ANO6: variants seen among roughly 807,000 people sequenced by gnomAD.
ANO6 encodes the protein anoctamin 6.
A neutral mutation model predicts 117.5 loss-of-function variants in ANO6; 106 were observed. That is an observed-to-expected ratio of 0.90 (90% CI 0.77 to 1.06). The LOEUF (loss-of-function observed/expected upper bound fraction) is 1.06, where lower values mean the gene tolerates loss of function less well. ANO6 is among the 50% of genes least tolerant of loss of function. ANO6 has a pLI of 0.00. For synonymous variants in ANO6, 367 were observed against 385.1 expected, an observed-to-expected ratio of 0.95 and a Z score of 0.55; for missense variants, 955 against 1,121.1, an observed-to-expected ratio of 0.85 and a Z score of 2.12.
chr12:45,420,751 C>CT (rs1943337790), intron 17 of ANO6, among the ~76,000 whole-genome samples: 1 of 152,192 alleles, frequency 6.6e-6, no homozygotes, highest in African/African-American at 2.4e-5. Context: ...TGGCTCACGC[C>CT]TGTAATCCCA....
chr12:45,413,202 G>A (rs1163003473), intron 16 of ANO6, among the ~76,000 whole-genome samples: 1 of 152,206 alleles, frequency 6.6e-6, no homozygotes, highest in Non-Finnish European at 1.5e-5. Context: ...GAGATTCGTG[G>A]TGGGAGGGAG....
chr12:45,230,269 A>G (rs550856821), intron 1 of ANO6, among the ~76,000 whole-genome samples: 52 of 152,264 alleles, frequency 3.4e-4, no homozygotes, highest in African/African-American at 1.2e-3. Context: ...TGAATAAAAG[A>G]TAATGATTAT....
intron 2 of ANO6, among the ~76,000 whole-genome samples, chr12:45,323,082 T>A (rs1388690199): frequency 6.6e-6 from 1 of 152,224 alleles, no homozygotes; most frequent in Non-Finnish European, 1.5e-5. Flanking sequence ...TTTAATGGTA[T>A]TGTATTTATT....
intron 8 of ANO6, among the ~76,000 whole-genome samples, chr12:45,366,325 G>A (rs1208318737): frequency 6.6e-6 from 1 of 151,578 alleles, no homozygotes; most frequent in African/African-American, 2.4e-5. Flanking sequence ...TCTTGTTTAT[G>A]CAATTCTCCT....
At chr12:45,373,332 A>G (rs1941901560) in intron 9 of ANO6, among the ~76,000 whole-genome samples, 1 of 151,390 alleles carries the variant, frequency 6.6e-6, no homozygotes. Flanking sequence ...GATACCCAGG[A>G]ATTGAACTCA....
intron 17 of ANO6, among the ~76,000 whole-genome samples, chr12:45,417,329 C>A (rs17095872): frequency 0.14 from 21,405 of 152,088 alleles, 2,203 homozygotes; most frequent in East Asian, 0.35. Flanking sequence ...CAAAGCATCA[C>A]CCTAAAATAT....
intron 9 of ANO6, among the ~76,000 whole-genome samples, chr12:45,371,225 C>G (rs1941823900): frequency 1.3e-5 from 2 of 152,324 alleles, no homozygotes; most frequent in East Asian, 3.9e-4. Context: ...CATGGAGTCT[C>G]ACTGATTGCT....
chr12:45,412,064 T>A (rs1436503890), intron 16 of ANO6, among the ~76,000 whole-genome samples: 1 of 152,258 alleles, frequency 6.6e-6, no homozygotes, highest in Non-Finnish European at 1.5e-5. Context: ...TGAAACGTTT[T>A]TTATTTAGTG....
chr12:45,350,717 A>G lies in ANO6; in HGVS notation c.806A>G (p.Tyr269Cys). Reference sequence around the variant, plus strand: ...TGCCCTAATGAACGGTACCTTCTGTACAGAGAATGGGCTCATCCTCGAAGC... The same window carrying G: ...TGCCCTAATGAACGGTACCTTCTGTGCAGAGAATGGGCTCATCCTCGAAGC... ...PSCPNERYLL[Y>C]REWAHPRSIY... is the part of the protein sequence containing the mutation. Residue 269 changes from tyrosine (Y) to cysteine (C), a missense_variant, in exon 7 of 20, where the codon TAC (tyrosine) becomes TGC (cysteine). Tyr to Cys is a radical substitution (Grantham distance 194). Coordinates refer to ENST00000320560, the MANE Select transcript of ANO6 (RefSeq NM_001025356.3). 1 of 1,613,854 alleles carries G rather than the reference A, an allele frequency of 6.2e-7. No homozygotes were observed.
intron 7 of ANO6, among the ~76,000 whole-genome samples, chr12:45,353,092 C>A (rs1941323701): frequency 6.9e-6 from 1 of 144,532 alleles, no homozygotes; most frequent in South Asian, 2.1e-4. Flanking sequence ...AGATTTTATA[C>A]AAGAATACGT....
At chr12:45,410,630 CA>C (rs1391818526) in intron 16 of ANO6, among the ~76,000 whole-genome samples, 1 of 151,656 alleles carries the variant, frequency 6.6e-6, no homozygotes, top group Non-Finnish European at 1.5e-5. Context: ...CATTCAATTA[CA>C]GTTTTTTTTA....
chr12:45,318,823 T>C (rs1940146035), intron 2 of ANO6, among the ~76,000 whole-genome samples: 1 of 152,208 alleles, frequency 6.6e-6, no homozygotes, highest in Non-Finnish European at 1.5e-5. Flanking sequence ...GTAGTTCTCC[T>C]TGAGGAGGTC....
At chr12:45,399,145 G>A (rs559315210) in intron 12 of ANO6, among the ~76,000 whole-genome samples, 14 of 152,282 alleles carry the variant, frequency 9.2e-5, no homozygotes, top group Admixed American at 5.9e-4. Context: ...AATGGCTGAA[G>A]CATTTCAGAT....
Sources: allele counts gnomAD v4.1 joint callset (sites outside exome capture counted in the v4.1 genomes callset), GRCh38; gene constraint gnomAD v4.1.1; transcripts MANE v1.5; gene names NCBI Gene and HGNC (gene_info 2026-07-23, HGNC 2026-07-21).